The following LARGE1 variants were observed in gnomAD, a reference collection of about 807,000 sequenced individuals.
LARGE1 encodes the protein xylosyl- and glucuronyltransferase LARGE1.
In LARGE1, 43 loss-of-function variants were observed where a neutral mutation model predicts 87.6. The ratio of observed to expected loss-of-function variants is 0.49; its 90% CI spans 0.38 to 0.63. The LOEUF is 0.63. LARGE1 is among the 30% of genes least tolerant of loss of function. LARGE1 has a pLI of 0.00. For missense variants in LARGE1, 802 were observed against 1,000.2 expected (o/e 0.80, Z 2.67); for synonymous variants, 434 against 394.6 (o/e 1.10, Z -1.18).
chr22:33,087,933 C>CAATAAACTAA, the LARGE1 span, among the ~76,000 whole-genome samples: 17 of 152,214 alleles, frequency 1.1e-4, no homozygotes, highest in African/African-American at 3.9e-4. Flanking sequence ...AACTCTATCT[C>CAATAAACTAA]AATAAACTAA....
chr22:33,236,531 T>C (rs1447523589), intron 11 of LARGE1, among the ~76,000 whole-genome samples: 1 of 152,310 alleles, frequency 6.6e-6, no homozygotes, highest in East Asian at 1.9e-4. Context: ...ACCAACATTT[T>C]CCCCTGGGTT....
intron 6 of LARGE1, among the ~76,000 whole-genome samples, chr22:33,536,860 G>A (rs548246102): frequency 3.0e-4 from 45 of 152,284 alleles, no homozygotes; most frequent in Non-Finnish European, 5.3e-4. Context: ...TGCCCAGGCC[G>A]GAGTGCGATG....
At chr22:33,422,760 C>G (rs5998936) in intron 7 of LARGE1, among the ~76,000 whole-genome samples, 18,983 of 151,924 alleles carry the variant, frequency 0.12, 1,268 homozygotes, top group African/African-American at 0.17. Flanking sequence ...CCTCTGCGCC[C>G]GGCCATACAC....
intron 2 of LARGE1, among the ~76,000 whole-genome samples, chr22:33,676,371 GC>G (rs2081577173): frequency 1.1e-4 from 2 of 17,532 alleles, no homozygotes; most frequent in Non-Finnish European, 2.8e-4. Context: ...AGATTCAATG[GC>G]AAAAAAAAAA....
chr22:33,113,975 A>G, the LARGE1 span, among the ~76,000 whole-genome samples: 2 of 149,206 alleles, frequency 1.3e-5, no homozygotes, highest in South Asian at 4.2e-4. Context: ...GGTTCACGCC[A>G]TTCTCCTGCC....
intron 9 of LARGE1, 150 bp downstream of exon 9, chr22:33,381,769 C>A: frequency 9.0e-7 from 1 of 1,108,320 alleles, no homozygotes; most frequent in East Asian, 2.4e-5. Flanking sequence ...ACCAACACCC[C>A]ACAAAGATGA....
chr22:33,466,725 C>CACAA (rs1290873508), intron 6 of LARGE1, among the ~76,000 whole-genome samples: 1 of 151,618 alleles, frequency 6.6e-6, no homozygotes, highest in African/African-American at 2.4e-5. Context: ...TACACACACA[C>CACAA]ACTACACACA....
intron 4 of LARGE1, among the ~76,000 whole-genome samples, chr22:33,621,988 T>G (rs2079768643): frequency 6.6e-6 from 1 of 152,060 alleles, no homozygotes; most frequent in African/African-American, 2.4e-5. Context: ...ACATCTGAGC[T>G]CCCAAACTGT....
intron 1 of LARGE1, among the ~76,000 whole-genome samples, chr22:33,846,863 T>C (rs1032399514): frequency 3.9e-5 from 6 of 152,164 alleles, no homozygotes; most frequent in Admixed American, 3.3e-4. Context: ...CCTGATAAGA[T>C]GTTATCAATG....
chr22:33,129,842 C>T, the LARGE1 span, among the ~76,000 whole-genome samples: 1 of 152,090 alleles, frequency 6.6e-6, no homozygotes, highest in African/African-American at 2.4e-5. Flanking sequence ...GGCAAACGGC[C>T]CCCGTGATCC....
At chr22:33,103,546 G>A in the LARGE1 span, among the ~76,000 whole-genome samples, 1 of 151,782 alleles carries the variant, frequency 6.6e-6, no homozygotes, top group Non-Finnish European at 1.5e-5. Flanking sequence ...TGAGGAAGGA[G>A]TCAGAGATGT....
intron 11 of LARGE1, among the ~76,000 whole-genome samples, chr22:33,191,882 A>G (rs1422890089): frequency 6.6e-6 from 1 of 152,222 alleles, no homozygotes; most frequent in Non-Finnish European, 1.5e-5. Flanking sequence ...CACATTAATC[A>G]TAGATTTTCC....
At chr22:33,266,806 T>C (rs1218110205) in intron 11 of LARGE1, among the ~76,000 whole-genome samples, 4 of 151,384 alleles carry the variant, frequency 2.6e-5, no homozygotes, top group East Asian at 3.9e-4. Flanking sequence ...CCTGTCCTTA[T>C]ACCTCACATT....
intron 2 of LARGE1, among the ~76,000 whole-genome samples, chr22:33,675,376 G>C (rs1482610860): frequency 4.7e-5 from 7 of 148,482 alleles, no homozygotes; most frequent in Non-Finnish European, 1.5e-5. Flanking sequence ...CTGAGAAAGT[G>C]AGATTTGATC....
Position 33,327,053 on chromosome 22 carries a change from C to A in LARGE1, c.1287+10593G>T, listed in dbSNP as rs142342383. Among the ~76,000 whole-genome samples, 628 of 152,266 alleles carry A rather than the reference C, an allele frequency of 4.1e-3. 7 individuals are homozygous for A. Among genetic ancestry groups the A allele is most frequent in the East Asian group, 0.02 (101 of 5,172 alleles). On this transcript the variant is annotated intron_variant, in intron 10 of 14. Coordinates refer to ENST00000397394, the MANE Select transcript of LARGE1 (RefSeq NM_133642.5). Reference sequence around the variant, plus strand: ...GCCTGCTGCGTGACTGAAGAGTTGGCGACATGCGGCTCGCACGTGAGAGCA... The same window carrying A: ...GCCTGCTGCGTGACTGAAGAGTTGGAGACATGCGGCTCGCACGTGAGAGCA...
chr22:33,619,554 CAAA>C (rs553269111), intron 4 of LARGE1, among the ~76,000 whole-genome samples: 5 of 59,122 alleles, frequency 8.5e-5, no homozygotes, highest in Non-Finnish European at 1.5e-4. Flanking sequence ...GACTCTGTCT[CAAA>C]AAAAAAAAAA....
At chr22:33,479,096 C>T (rs1420437984) in intron 6 of LARGE1, among the ~76,000 whole-genome samples, 2 of 152,204 alleles carry the variant, frequency 1.3e-5, no homozygotes, top group Non-Finnish European at 2.9e-5. Context: ...TTTCCTCCTG[C>T]AAGCAGGTGC....
intron 11 of LARGE1, among the ~76,000 whole-genome samples, chr22:33,251,500 T>G (rs2145718316): frequency 6.6e-6 from 1 of 152,310 alleles, no homozygotes; most frequent in Admixed American, 6.5e-5. Context: ...TCAACACTCC[T>G]GTGACATGAT....
At chr22:33,305,264 C>G (rs973607228) in intron 11 of LARGE1, among the ~76,000 whole-genome samples, 1 of 151,574 alleles carries the variant, frequency 6.6e-6, no homozygotes, top group African/African-American at 2.4e-5. Context: ...GTCTTCAGAG[C>G]CCCTACTACC....
Sources: allele counts gnomAD v4.1 joint callset (sites outside exome capture counted in the v4.1 genomes callset), GRCh38; gene constraint gnomAD v4.1.1; transcripts MANE v1.5; gene names NCBI Gene and HGNC (gene_info 2026-07-23, HGNC 2026-07-21).